Variants in COL25A1 observed in about 807,000 individuals in gnomAD.
The protein encoded by COL25A1 is collagen alpha-1(XXV) chain.
COL25A1 carries 103 observed loss-of-function variants against 128.4 expected under a neutral mutation model. That is an observed-to-expected ratio of 0.80 (90% CI 0.68 to 0.94). COL25A1 has a LOEUF of 0.94. Among genes scored for constraint, COL25A1 ranks in the 40% least tolerant of loss-of-function variants. The pLI is 0.00. For missense variants in COL25A1, 745 were observed against 840.0 expected (o/e 0.89, Z 1.40); for synonymous variants, 279 against 277.2 (o/e 1.01, Z -0.06).
At chr4:109,093,673 A>G (rs1765154407) in intron 3 of COL25A1, among the ~76,000 whole-genome samples, 1 of 152,068 alleles carries the variant, frequency 6.6e-6, no homozygotes, top group African/African-American at 2.4e-5. Context: ...CACAGCCAAA[A>G]TGTGGGTTTT....
chr4:109,105,982 CTTA>C (rs1436676993), intron 3 of COL25A1, among the ~76,000 whole-genome samples: 5 of 152,102 alleles, frequency 3.3e-5, no homozygotes, highest in Non-Finnish European at 7.4e-5. Flanking sequence ...TCAAGAATAT[CTTA>C]TTATTAAGGA....
chr4:108,835,102 C>A (rs537186224), intron 31 of COL25A1, among the ~76,000 whole-genome samples: 3 of 152,186 alleles, frequency 2.0e-5, no homozygotes, highest in African/African-American at 4.8e-5. Context: ...TGCATCAAAG[C>A]CTGATGGGGG....
intron 3 of COL25A1, among the ~76,000 whole-genome samples, chr4:109,260,774 G>A (rs1004109670): frequency 1.3e-5 from 2 of 152,092 alleles, no homozygotes; most frequent in Non-Finnish European, 2.9e-5. Context: ...GGGATTACAG[G>A]CGTGAGCCAC....
rs556797602 is a variant in COL25A1 at position 109,196,465 on chromosome 4, T to C, written c.367+104118A>G. On this transcript the variant is annotated intron_variant, in intron 3 of 37. Coordinates refer to ENST00000399132, the MANE Select transcript of COL25A1 (RefSeq NM_198721.4). ...TAAACATATATGTTTACATAGAGAG[T>C]ATATGTTAGATGCATTTACTCTAAT... Among the ~76,000 whole-genome samples the C allele has an allele frequency of 7.2e-4, 110 of 152,258 alleles. 2 individuals are homozygous for C. The highest frequency in any genetic ancestry group is 8.8e-5 in the Non-Finnish European group (6 of 68,018).
chr4:109,281,198 A>C (rs1723360172), intron 3 of COL25A1, among the ~76,000 whole-genome samples: 1 of 152,184 alleles, frequency 6.6e-6, no homozygotes, highest in African/African-American at 2.4e-5. Context: ...GTTACCATTC[A>C]ATAGTTTTCA....
intron 32 of COL25A1, among the ~76,000 whole-genome samples, chr4:108,829,871 C>G (rs1732872817): frequency 6.6e-6 from 1 of 152,284 alleles, no homozygotes; most frequent in South Asian, 2.1e-4. Flanking sequence ...GAAGGTTCCT[C>G]TCTGCTCAGG....
At chr4:108,933,508 C>T (rs1438008444) in intron 11 of COL25A1, among the ~76,000 whole-genome samples, 1 of 152,162 alleles carries the variant, frequency 6.6e-6, no homozygotes, top group African/African-American at 2.4e-5. Context: ...ATAAATTACA[C>T]TCTTAATTGC....
chr4:108,872,348 A>G (rs1738826920), intron 19 of COL25A1, among the ~76,000 whole-genome samples: 1 of 152,206 alleles, frequency 6.6e-6, no homozygotes, highest in African/African-American at 2.4e-5. Context: ...CCTGGGAGGC[A>G]GAGGTTACAG....
At chr4:109,155,846 T>C (rs911968044) in intron 3 of COL25A1, among the ~76,000 whole-genome samples, 1 of 152,216 alleles carries the variant, frequency 6.6e-6, no homozygotes, top group Non-Finnish European at 1.5e-5. Context: ...TAGCCAATGC[T>C]TTTGGACAAA....
chr4:108,978,263 C>T (rs561625337), intron 6 of COL25A1, among the ~76,000 whole-genome samples: 7 of 152,218 alleles, frequency 4.6e-5, no homozygotes, highest in African/African-American at 1.4e-4. Flanking sequence ...ACAGCTGCAG[C>T]GGCTGCTTCG....
rs117417222 is a variant in COL25A1, at chr4:109,210,130, A to C, written c.367+90453T>G. Among the ~76,000 whole-genome samples, 1,305 of 151,886 alleles carry C rather than the reference A, an allele frequency of 8.6e-3. 60 individuals carry two copies. In the South Asian group the frequency reaches 0.14, roughly 16 times the overall value. ...AATTTCATTATAGCTCTGTGATGAA[A>C]CAATTTGGGAAGGGAAAAGGGAGGG... On this transcript the variant is annotated intron_variant, in intron 3 of 37. Transcript: ENST00000399132.
chr4:108,978,364 C>G (rs142331724), intron 6 of COL25A1, among the ~76,000 whole-genome samples: 4 of 152,272 alleles, frequency 2.6e-5, no homozygotes, highest in Non-Finnish European at 5.9e-5. Flanking sequence ...CGAATTGGAC[C>G]CTCTTCACTG....
intron 5 of COL25A1, among the ~76,000 whole-genome samples, chr4:109,025,693 A>G (rs1391199109): frequency 2.0e-5 from 3 of 152,168 alleles, no homozygotes; most frequent in Non-Finnish European, 2.9e-5. Context: ...GCAAGCTGAC[A>G]AGCTTATGTT....
intron 11 of COL25A1, among the ~76,000 whole-genome samples, chr4:108,923,071 G>A (rs1453946532): frequency 7.2e-5 from 11 of 152,026 alleles, no homozygotes; most frequent in East Asian, 3.9e-4. Flanking sequence ...AGAAATACCA[G>A]TTATTTTTAC....
At chr4:109,282,362 A>T (rs994274567) in intron 3 of COL25A1, among the ~76,000 whole-genome samples, 2 of 152,218 alleles carry the variant, frequency 1.3e-5, no homozygotes, top group African/African-American at 4.8e-5. Context: ...TTGATCTTAG[A>T]TAACTACAAT....
At chr4:108,945,277 C>T (rs1748590058) in intron 8 of COL25A1, among the ~76,000 whole-genome samples, 1 of 152,128 alleles carries the variant, frequency 6.6e-6, no homozygotes, top group Non-Finnish European at 1.5e-5. Flanking sequence ...AATCCCATTT[C>T]ACAGGGGCTG....
chr4:109,246,003 T>C (rs1485725018), intron 3 of COL25A1, among the ~76,000 whole-genome samples: 8 of 140,696 alleles, frequency 5.7e-5, no homozygotes, highest in Non-Finnish European at 7.4e-5. Flanking sequence ...CTAGTTGCTT[T>C]TTTGTTAAAA....
chr4:108,828,483 G>A (rs573773107), intron 32 of COL25A1, among the ~76,000 whole-genome samples: 4 of 152,258 alleles, frequency 2.6e-5, no homozygotes, highest in African/African-American at 9.6e-5. Flanking sequence ...GCCAGATAAG[G>A]TAGGTATATG....
chr4:108,978,749 T>A (rs1434498162), intron 6 of COL25A1, among the ~76,000 whole-genome samples: 1 of 152,190 alleles, frequency 6.6e-6, no homozygotes, highest in Non-Finnish European at 1.5e-5. Context: ...TATTTGAAGA[T>A]AAAACTTTGT....
Sources: allele counts gnomAD v4.1 joint callset (sites outside exome capture counted in the v4.1 genomes callset), GRCh38; gene constraint gnomAD v4.1.1; transcripts MANE v1.5; gene names NCBI Gene and HGNC (gene_info 2026-07-23, HGNC 2026-07-21).